The following TRAP1 variants were observed in gnomAD, a reference collection of about 807,000 sequenced individuals.
TRAP1 encodes TNF receptor associated protein 1, also known as heat shock protein 75 kDa, mitochondrial.
In TRAP1, 102 loss-of-function variants were observed where a neutral mutation model predicts 89.1. The observed-to-expected ratio is 1.15, with a 90% confidence interval of 0.98 to 1.35. The LOEUF is 1.35. Among genes scored for constraint, TRAP1 ranks in the 40% most tolerant of loss-of-function variants. The pLI, the probability that TRAP1 is intolerant of heterozygous loss-of-function variation, is 0.00. For synonymous variants in TRAP1, 508 were observed against 388.0 expected, an observed-to-expected ratio of 1.31 and a Z score of -3.64; for missense variants, 1,256 against 945.3, an observed-to-expected ratio of 1.33 and a Z score of -4.31.
intron 9 of TRAP1, 152 bp from the exon 10 acceptor site, chr16:3,672,972 C>T: frequency 8.9e-7 from 1 of 1,125,300 alleles, no homozygotes; most frequent in Non-Finnish European, 1.2e-6. Context: ...GTGCAGGGGC[C>T]CCACGATGCC....
chr16:3,716,059 C>T (rs547658182), intron 1 of TRAP1, among the ~76,000 whole-genome samples: 1 of 152,228 alleles, frequency 6.6e-6, no homozygotes, highest in South Asian at 2.1e-4. Context: ...GACAGGGTTT[C>T]ACCATGTTGG....
intron 1 of TRAP1, among the ~76,000 whole-genome samples, chr16:3,712,196 G>A (rs1389177467): frequency 1.4e-5 from 2 of 146,006 alleles, no homozygotes; most frequent in Non-Finnish European, 3.0e-5. Flanking sequence ...GGCTGAGGCA[G>A]GAGAACTGCC....
chr16:3,682,560 C>A (rs542663621), intron 4 of TRAP1, among the ~76,000 whole-genome samples: 2 of 152,160 alleles, frequency 1.3e-5, no homozygotes, highest in East Asian at 1.9e-4. Context: ...CAGCTAATTT[C>A]TTTTGTATTT....
intron 1 of TRAP1, among the ~76,000 whole-genome samples, chr16:3,697,525 G>GTGGTA (rs2051305892): frequency 4.0e-5 from 6 of 151,316 alleles, no homozygotes; most frequent in Admixed American, 4.0e-4. Flanking sequence ...TTAGCCAGGC[G>GTGGTA]TAGTGGTGGG....
At chr16:3,694,117 T>C (rs2151272776) in intron 1 of TRAP1, among the ~76,000 whole-genome samples, 1 of 151,982 alleles carries the variant, frequency 6.6e-6, no homozygotes, top group East Asian at 1.9e-4. Flanking sequence ...GCATCCTTGG[T>C]GTTTCATGCT....
At chr16:3,662,763 C>G (rs1178985587) in intron 15 of TRAP1, 119 bp downstream of exon 15, 2 of 940,772 alleles carry the variant, frequency 2.1e-6, no homozygotes, top group Non-Finnish European at 3.4e-6. Context: ...CACCTGACAC[C>G]AAGGGCTTCT....
intron 1 of TRAP1, among the ~76,000 whole-genome samples, chr16:3,715,992 A>C (rs1460292620): frequency 6.6e-6 from 1 of 152,094 alleles, no homozygotes; most frequent in East Asian, 1.9e-4. Context: ...CCTCCCAAGA[A>C]GCTGGGATTA....
intron 1 of TRAP1, among the ~76,000 whole-genome samples, chr16:3,707,077 A>G (rs904523280): frequency 2.0e-5 from 3 of 151,990 alleles, no homozygotes; most frequent in Non-Finnish European, 4.4e-5. Context: ...ATTTTTAATT[A>G]TAGCCACCCT....
chr16:3,683,388 CT>C (rs1363716310), intron 4 of TRAP1, among the ~76,000 whole-genome samples: 324 of 139,144 alleles, frequency 2.3e-3, no homozygotes, highest in Non-Finnish European at 2.3e-3. Flanking sequence ...ACTAACATTT[CT>C]TTTTTTTTTT....
intron 9 of TRAP1, among the ~76,000 whole-genome samples, chr16:3,673,255 T>A (rs925285680): frequency 6.6e-6 from 1 of 152,234 alleles, no homozygotes; most frequent in East Asian, 1.9e-4. Context: ...GACGTGAAGA[T>A]GAAACTCAAA....
intron 4 of TRAP1, among the ~76,000 whole-genome samples, chr16:3,680,570 C>A (rs1030442315): frequency 2.0e-5 from 3 of 152,232 alleles, no homozygotes; most frequent in African/African-American, 7.2e-5. Flanking sequence ...ATGGGAACAG[C>A]GGGCACAGAC....
intron 1 of TRAP1, among the ~76,000 whole-genome samples, chr16:3,706,454 CTCT>C (rs2051447364): frequency 7.7e-6 from 1 of 130,224 alleles, no homozygotes; most frequent in African/African-American, 2.9e-5. Context: ...CCTATTTGCA[CTCT>C]TTTTTTTTTT....
chr16:3,667,606 C>A (rs1399352250), intron 11 of TRAP1, among the ~76,000 whole-genome samples: 1 of 149,610 alleles, frequency 6.7e-6, no homozygotes, highest in Admixed American at 6.7e-5. Flanking sequence ...GCCTGAGCAA[C>A]AGAGTAAGAC....
chr16:3,675,429 TC>T, intron 7 of TRAP1, 32 bp from the exon 8 acceptor site: 1 of 1,609,750 alleles, frequency 6.2e-7, no homozygotes, highest in Non-Finnish European at 8.5e-7. Flanking sequence ...CCACACTGCA[TC>T]TACAATGCTT....
intron 1 of TRAP1, among the ~76,000 whole-genome samples, chr16:3,694,840 C>T (rs1389940932): frequency 3.3e-5 from 5 of 152,086 alleles, no homozygotes; most frequent in Non-Finnish European, 5.9e-5. Context: ...GGCACAAACC[C>T]GGTAGCTTAC....
rs755483235 is a variant in TRAP1 at position 3,679,760 on chromosome 16, GCTCTTC to G, written c.496_501del (p.Glu166_Glu167del). ...GCAATCGTCCCCAGGTTGGACACCA[GCTCTTC>G]CTGTGTCATCCCGATACCAGTATCC... On this transcript the variant is annotated inframe_deletion, in exon 5 of 18. Coordinates refer to ENST00000246957, the MANE Select transcript of TRAP1 (RefSeq NM_016292.3). The G allele has an allele frequency of 1.2e-5, 19 of 1,613,990 alleles. No homozygotes were observed. The highest frequency in any genetic ancestry group is 1.6e-5 in the Non-Finnish European group (19 of 1,180,012).
intron 1 of TRAP1, among the ~76,000 whole-genome samples, chr16:3,711,048 G>C (rs930121507): frequency 4.5e-4 from 67 of 150,104 alleles, no homozygotes; most frequent in Middle Eastern, 3.4e-3. Context: ...AAAAAAAAAG[G>C]GTTTTTTGGT....
chr16:3,688,936 C>G, intron 3 of TRAP1, 119 bp downstream of exon 3: 1 of 931,068 alleles, frequency 1.1e-6, no homozygotes, highest in African/African-American at 1.7e-5. Context: ...AGGACCTGTC[C>G]AAAGTTTAAT....
At chr16:3,680,503 G>A (rs1167973696) in intron 4 of TRAP1, among the ~76,000 whole-genome samples, 2 of 152,248 alleles carry the variant, frequency 1.3e-5, no homozygotes, top group Non-Finnish European at 2.9e-5. Flanking sequence ...GAGGACACCA[G>A]GAAGCAGGTG....
Sources: allele counts gnomAD v4.1 joint callset (sites outside exome capture counted in the v4.1 genomes callset), GRCh38; gene constraint gnomAD v4.1.1; transcripts MANE v1.5; gene names NCBI Gene and HGNC (gene_info 2026-07-23, HGNC 2026-07-21).